Variants in TULP4 observed in about 807,000 individuals in gnomAD.
TULP4 encodes the protein tubby-related protein 4.
TULP4 carries 16 observed loss-of-function variants against 129.0 expected under a neutral mutation model. The ratio of observed to expected loss-of-function variants is 0.12; its 90% CI spans 0.08 to 0.19. The LOEUF (loss-of-function observed/expected upper bound fraction) is 0.19, where lower values mean the gene tolerates loss of function less well. Ranked by LOEUF, TULP4 falls within the 10% of genes least tolerant of loss-of-function variation. The probability of loss-of-function intolerance (pLI) is 1.00; values close to 1 mark genes in which losing one functional copy is unlikely to be tolerated. For missense variants in TULP4, 1,842 were observed against 2,059.1 expected, an observed-to-expected ratio of 0.89 and a Z score of 2.04; for synonymous variants, 998 against 854.0, an observed-to-expected ratio of 1.17 and a Z score of -2.94.
intron 1 of TULP4, among the ~76,000 whole-genome samples, chr6:158,371,765 A>G (rs1032110715): frequency 9.2e-5 from 14 of 152,234 alleles, no homozygotes; most frequent in Non-Finnish European, 1.8e-4. Flanking sequence ...AGTAGAGGCC[A>G]TTTGAAAGTA....
chr6:158,449,837 C>T (rs1016816231), intron 4 of TULP4, among the ~76,000 whole-genome samples: 5 of 152,132 alleles, frequency 3.3e-5, no homozygotes, highest in Non-Finnish European at 5.9e-5. Context: ...CTGGCCCACT[C>T]AGTTGGCTCT....
At chr6:158,275,430 G>A (rs1778627514) in intron 1 of TULP4, among the ~76,000 whole-genome samples, 1 of 152,144 alleles carries the variant, frequency 6.6e-6, no homozygotes. Context: ...CATGGGAGAT[G>A]GTAATCTTCA....
rs969665378 is a variant in TULP4 at position 158,313,704 on chromosome 6, G to A, written c.-313G>A. On this transcript the variant is annotated 5_prime_UTR_variant, in exon 1 of 14. Coordinates refer to ENST00000367097, the MANE Select transcript of TULP4 (RefSeq NM_020245.5). ...GTTTCTTGATCACCACTTAATTAAC[G>A]ATGCTCTTTCTCCAAAGGATCAGCA... 6 of 464,360 alleles carry A rather than the reference G, an allele frequency of 1.3e-5. No individual in the cohort carries two copies. Among genetic ancestry groups the A allele is most frequent in the East Asian group, 3.2e-5 (1 of 30,840 alleles). 28.8% of individuals were successfully genotyped at this position (464,360 alleles called of 1,614,324 possible). A position where few individuals can be genotyped will look rare whatever the true frequency, so the allele number is the denominator to read the frequency against.
intron 5 of TULP4, among the ~76,000 whole-genome samples, chr6:158,455,404 G>C (rs894130985): frequency 6.6e-6 from 1 of 151,828 alleles, no homozygotes; most frequent in Non-Finnish European, 1.5e-5. Flanking sequence ...TACCTAACTA[G>C]ATATCTAAAT....
chr6:158,332,732 C>T (rs891410164), intron 1 of TULP4, among the ~76,000 whole-genome samples: 1 of 152,118 alleles, frequency 6.6e-6, no homozygotes, highest in Non-Finnish European at 1.5e-5. Flanking sequence ...TTTTCTCATA[C>T]CTTCATGGCA....
chr6:158,465,634 T>G (rs1444076742), intron 6 of TULP4, among the ~76,000 whole-genome samples: 1 of 148,528 alleles, frequency 6.7e-6, no homozygotes, highest in Non-Finnish European at 1.5e-5. Flanking sequence ...TAAAGAGGTT[T>G]ATTTTGAGCC....
At chr6:158,500,937 G>A (rs964403648) in intron 12 of TULP4, among the ~76,000 whole-genome samples, 18 of 152,174 alleles carry the variant, frequency 1.2e-4, no homozygotes, top group Admixed American at 2.6e-4. Context: ...GCGCTCACCT[G>A]CAGTCCCAGC....
chr6:158,407,743 A>G (rs1346234565), intron 1 of TULP4, among the ~76,000 whole-genome samples: 2 of 152,216 alleles, frequency 1.3e-5, no homozygotes, highest in East Asian at 3.9e-4. Context: ...AAGAGAACAT[A>G]TCGTATGATT....
intron 1 of TULP4, chr6:158,398,388 A>G (rs993870433): frequency 3.3e-5 from 5 of 152,232 alleles, no homozygotes; most frequent in African/African-American, 4.8e-5. Flanking sequence ...CTAGTTCACA[A>G]TGTCCCCCCT....
chr6:158,463,356 T>C (rs1437099283), intron 6 of TULP4, among the ~76,000 whole-genome samples: 1 of 152,102 alleles, frequency 6.6e-6, no homozygotes, highest in Non-Finnish European at 1.5e-5. Flanking sequence ...GGCCACCTTA[T>C]GTTTGAGTCA....
chr6:158,239,466 C>G (rs1254898615), intron 1 of TULP4, among the ~76,000 whole-genome samples: 1 of 61,802 alleles, frequency 1.6e-5, no homozygotes, highest in African/African-American at 5.3e-5. Flanking sequence ...GGGGGCTGAC[C>G]CCCCCACCTC....
At position 158,449,114 on chromosome 6, in the gene TULP4, T is replaced by A. The variant is rs1462472442; in HGVS notation, c.662T>A (p.Ile221Asn). ...GVLGMSWNYP[I>N]FLVEDSSESD... Reference sequence around the variant, plus strand: ...CTCGGCATGTCCTGGAACTACCCGATCTTCCTGGTGGAGGACAGCAGCGAG... The same window carrying A: ...CTCGGCATGTCCTGGAACTACCCGAACTTCCTGGTGGAGGACAGCAGCGAG... Residue 221 changes from isoleucine (I) to asparagine (N), a missense_variant, in exon 4 of 14, where the codon ATC becomes AAC. This residue lies in a region of TULP4 where 456 missense variants were observed against 534.3 expected (regional missense o/e 0.85). Coordinates refer to ENST00000367097, the MANE Select transcript of TULP4 (RefSeq NM_020245.5). 1.2e-6 allele frequency: 2 copies of A among 1,613,992 alleles called. No homozygotes were observed. The highest frequency in any genetic ancestry group is 2.2e-5 in the East Asian group (1 of 44,898).
intron 6 of TULP4, among the ~76,000 whole-genome samples, chr6:158,476,383 C>T (rs1349864480): frequency 6.6e-6 from 1 of 152,254 alleles, no homozygotes; most frequent in Admixed American, 6.5e-5. Flanking sequence ...CTTTGAGACC[C>T]TGCAGACCTC....
chr6:158,449,265 T>C, intron 4 of TULP4, 89 bp downstream of exon 4: 1 of 1,383,488 alleles, frequency 7.2e-7, no homozygotes, highest in Non-Finnish European at 9.7e-7. Flanking sequence ...GGAGGGAGGG[T>C]GAAGGGCCGC....
chr6:158,240,254 G>T (rs1777851645), intron 1 of TULP4, among the ~76,000 whole-genome samples: 2 of 80,338 alleles, frequency 2.5e-5, no homozygotes. Flanking sequence ...GGGGCGGCTG[G>T]CCGGGCAGAG....
intron 1 of TULP4, among the ~76,000 whole-genome samples, chr6:158,305,326 T>TGC (rs1312528900): frequency 6.9e-5 from 5 of 72,456 alleles, no homozygotes; most frequent in South Asian, 8.6e-4. Context: ...TCTGTGTGCG[T>TGC]GTGTGTGTGT....
chr6:158,421,985 C>T (rs773469963), intron 2 of TULP4, among the ~76,000 whole-genome samples: 3 of 151,858 alleles, frequency 2.0e-5, no homozygotes, highest in Non-Finnish European at 4.4e-5. Context: ...TAAAGTGGTG[C>T]TGTGAGAGAA....
Position 158,429,874 on chromosome 6 carries a change from A to G in TULP4, c.520A>G (p.Ile174Val). Residue 174 changes from isoleucine to valine, a missense_variant, in exon 3 of 14, where the codon ATA becomes GTA. Physicochemically the swap from Ile to Val is conservative, Grantham distance 29. Coordinates refer to ENST00000367097, the MANE Select transcript of TULP4 (RefSeq NM_020245.5). ...INLESQITCG[I>V]WTPDDQQVLF... ...CTTGGAAAGTCAAATTACGTGTGGC[A>G]TATGGACTCCTGACGACCAACAGGT... 1.2e-6 allele frequency: 2 copies of G among 1,614,088 alleles called. No individual in the cohort carries two copies. The highest frequency in any genetic ancestry group is 1.7e-6 in the Non-Finnish European group (2 of 1,180,004).
chr6:158,339,328 C>T lies in TULP4; in HGVS notation c.252+25060C>T, dbSNP rs558598243. 2.6e-5 allele frequency among the ~76,000 whole-genome samples: 4 copies of T among 151,520 alleles called. No homozygotes were observed. In the East Asian group the frequency reaches 7.7e-4, roughly 29 times the overall value. The stretch of plus-strand genomic sequence containing the variant: ...TCAAGGGCGACAAAAGATCACAAGG[C>T]AGAAGGTCAGGGCGGGATCACAAGG... On this transcript the variant is annotated intron_variant, in intron 1 of 13. Coordinates refer to ENST00000367097, the MANE Select transcript of TULP4 (RefSeq NM_020245.5).
Sources: gnomAD v4.1 joint callset for allele counts (sites outside exome capture counted in the v4.1 genomes callset) on GRCh38, gnomAD v4.1.1 for gene constraint, gnomAD v4.1.1 regional missense constraint, MANE v1.5 for transcripts, NCBI Gene and HGNC (gene_info 2026-07-23, HGNC 2026-07-21) for gene names.